SNX29: variants seen among roughly 807,000 people sequenced by gnomAD.
SNX29 encodes the protein sorting nexin-29.
SNX29 carries 78 observed loss-of-function variants against 102.1 expected under a neutral mutation model. That is an observed-to-expected ratio of 0.76 (90% CI 0.64 to 0.92). The LOEUF is 0.92. Ranked by LOEUF, SNX29 falls within the 40% of genes least tolerant of loss-of-function variation. The pLI is 0.00. For synonymous variants in SNX29, 580 were observed against 414.5 expected (o/e 1.40, Z -4.85); for missense variants, 1,280 against 1,061.7 (o/e 1.21, Z -2.86).
At chr16:12,015,129 ATATGTAGCCT>A (rs1567527834) in intron 3 of SNX29, among the ~76,000 whole-genome samples, 1 of 152,186 alleles carries the variant, frequency 6.6e-6, no homozygotes, top group African/African-American at 2.4e-5. Context: ...ATATACACAT[ATATGTAGCCT>A]TATTGCCATT....
At chr16:12,420,352 T>G (rs767817732) in intron 18 of SNX29, among the ~76,000 whole-genome samples, 3 of 152,228 alleles carry the variant, frequency 2.0e-5, no homozygotes, top group Non-Finnish European at 4.4e-5. Context: ...CATCCTGATT[T>G]CAGAGATGTC....
chr16:12,100,517 G>C (rs540649438), intron 11 of SNX29, among the ~76,000 whole-genome samples: 1 of 152,144 alleles, frequency 6.6e-6, no homozygotes, highest in African/African-American at 2.4e-5. Context: ...GAGGAAGGAC[G>C]GTGCATGCTG....
intron 20 of SNX29, among the ~76,000 whole-genome samples, chr16:12,552,703 G>A (rs993449037): frequency 2.6e-5 from 4 of 152,210 alleles, no homozygotes; most frequent in Admixed American, 2.6e-4. Flanking sequence ...GGAAGATTTA[G>A]ATTGGGGGAC....
intron 19 of SNX29, among the ~76,000 whole-genome samples, chr16:12,498,494 G>A (rs1015621910): frequency 2.8e-4 from 43 of 152,322 alleles, no homozygotes; most frequent in East Asian, 7.7e-4. Context: ...AGAGGGCTGC[G>A]TGCATATCAA....
chr16:12,093,072 G>C (rs930522465), intron 11 of SNX29, among the ~76,000 whole-genome samples: 3 of 152,186 alleles, frequency 2.0e-5, no homozygotes, highest in Admixed American at 2.0e-4. Context: ...TTGTAGAGGT[G>C]AATCAACAAC....
chr16:12,555,944 A>T (rs1359241872), intron 20 of SNX29, among the ~76,000 whole-genome samples: 1 of 151,922 alleles, frequency 6.6e-6, no homozygotes, highest in East Asian at 1.9e-4. Context: ...TGTTTACATC[A>T]CACCAACTTG....
intron 16 of SNX29, among the ~76,000 whole-genome samples, chr16:12,379,896 TG>T (rs1005252239): frequency 2.0e-5 from 3 of 152,230 alleles, no homozygotes; most frequent in East Asian, 1.9e-4. Flanking sequence ...TGTGTGTGTT[TG>T]GGGGCATGTG....
At chr16:12,562,656 G>A (rs1424132849) in intron 20 of SNX29, among the ~76,000 whole-genome samples, 1 of 152,182 alleles carries the variant, frequency 6.6e-6, no homozygotes, top group Non-Finnish European at 1.5e-5. Flanking sequence ...GCTGTTTTAT[G>A]TCGGGAAAGT....
chr16:12,541,031 A>G (rs1217846246), intron 20 of SNX29, among the ~76,000 whole-genome samples: 2 of 152,164 alleles, frequency 1.3e-5, no homozygotes, highest in East Asian at 1.9e-4. Flanking sequence ...ACAACTGGTC[A>G]TCTCTGTAGT....
intron 14 of SNX29, among the ~76,000 whole-genome samples, chr16:12,249,594 C>T (rs538852917): frequency 6.6e-6 from 1 of 152,324 alleles, no homozygotes; most frequent in East Asian, 1.9e-4. Flanking sequence ...AACCAGCCTG[C>T]CGGGTCTGAA....
At chr16:12,484,457 G>A (rs752440427) in intron 19 of SNX29, among the ~76,000 whole-genome samples, 1 of 152,140 alleles carries the variant, frequency 6.6e-6, no homozygotes, top group Non-Finnish European at 1.5e-5. Context: ...ATCTGATTGT[G>A]TCAGCTGTAG....
rs1276725363 is a variant in SNX29 at position 12,181,372 on chromosome 16, T to C, written c.1596-18229T>C. 3.3e-5 allele frequency among the ~76,000 whole-genome samples: 5 copies of C among 152,190 alleles called. No homozygotes were observed. The East Asian group carries it at 9.6e-4, about 29-fold the overall frequency. ...ATGCAAGATGAACATTGGTTCGGTC[T>C]GGAAGGCGGGACAACTCGAAGCAGG... On this transcript the variant is annotated intron_variant, in intron 13 of 20. Transcript: ENST00000566228.
At chr16:12,356,112 C>T (rs1170925491) in intron 15 of SNX29, 51 bp from the exon 16 acceptor site, 3 of 1,544,854 alleles carry the variant, frequency 1.9e-6, no homozygotes, top group Non-Finnish European at 2.6e-6. Context: ...CGGGATTGGT[C>T]CCTGGGGAAT....
At chr16:12,160,544 CA>C (rs1473187294) in intron 13 of SNX29, among the ~76,000 whole-genome samples, 1 of 152,084 alleles carries the variant, frequency 6.6e-6, no homozygotes. Flanking sequence ...TAGTGGTTGT[CA>C]GGGGCCGTGG....
At chr16:12,540,046 T>C (rs576500868) in intron 20 of SNX29, among the ~76,000 whole-genome samples, 1 of 152,136 alleles carries the variant, frequency 6.6e-6, no homozygotes, top group East Asian at 1.9e-4. Flanking sequence ...AATTTACTTT[T>C]TGTGTCCCAG....
At chr16:12,481,581 G>T (rs1344434601) in intron 19 of SNX29, among the ~76,000 whole-genome samples, 1 of 150,808 alleles carries the variant, frequency 6.6e-6, no homozygotes, top group Non-Finnish European at 1.5e-5. Flanking sequence ...GTCGCCCAGG[G>T]TGGAGTGCAG....
chr16:12,566,779 A>G (rs1560116), intron 20 of SNX29, among the ~76,000 whole-genome samples: 35,993 of 152,140 alleles, frequency 0.24, 4,525 homozygotes, highest in East Asian at 0.44. Context: ...AAAGCACAGC[A>G]CACGCCAGGC....
intron 20 of SNX29, 73 bp downstream of exon 20, chr16:12,524,914 G>C (rs2076737505): frequency 6.3e-7 from 1 of 1,580,542 alleles, no homozygotes; most frequent in Non-Finnish European, 8.6e-7. Flanking sequence ...TGGAAGGTCA[G>C]GGAGCACAGC....
intron 20 of SNX29, among the ~76,000 whole-genome samples, chr16:12,553,623 G>A (rs1399692718): frequency 7.1e-6 from 1 of 141,204 alleles, no homozygotes; most frequent in Non-Finnish European, 1.5e-5. Flanking sequence ...GGAATTTTGT[G>A]CTTGTTGCCC....
Sources: gnomAD v4.1 joint callset for allele counts (sites outside exome capture counted in the v4.1 genomes callset) on GRCh38, gnomAD v4.1.1 for gene constraint, MANE v1.5 for transcripts, NCBI Gene and HGNC (gene_info 2026-07-23, HGNC 2026-07-21) for gene names.